Variants in ARHGAP31 observed in about 807,000 individuals in gnomAD.
ARHGAP31 encodes the protein Rho GTPase activating protein 31.
ARHGAP31 carries 34 observed loss-of-function variants against 113.9 expected under a neutral mutation model. The observed-to-expected ratio is 0.30, with a 90% confidence interval of 0.23 to 0.40. The LOEUF is 0.40. Ranked by LOEUF, ARHGAP31 falls within the 10% of genes least tolerant of loss-of-function variation. The pLI is 1.00. For missense variants in ARHGAP31, 1,548 were observed against 1,767.1 expected, an observed-to-expected ratio of 0.88 and a Z score of 2.22; for synonymous variants, 650 against 684.8, an observed-to-expected ratio of 0.95 and a Z score of 0.79.
At position 119,296,897 on chromosome 3, in the gene ARHGAP31, C is replaced by T. The variant is rs532877443; in HGVS notation, c.100+1893C>T. On this transcript the variant is annotated intron_variant, in intron 1 of 11. Coordinates refer to ENST00000264245, the MANE Select transcript of ARHGAP31 (RefSeq NM_020754.4). ...AATCATGAAGGATCGGAGGGCCCTC[C>T]CTGGCCTGTTAGGTTCCTCTGCCCT... Among the ~76,000 whole-genome samples the T allele has an allele frequency of 1.2e-4, 18 of 152,296 alleles. No individual in the cohort carries two copies. The South Asian group carries it at 3.5e-3, about 30-fold the overall frequency.
chr3:119,328,852 G>A (rs2107606132), intron 1 of ARHGAP31, among the ~76,000 whole-genome samples: 1 of 152,254 alleles, frequency 6.6e-6, no homozygotes, highest in African/African-American at 2.4e-5. Flanking sequence ...TTGTTGGCCA[G>A]GCCGGTCTCT....
chr3:119,357,985 A>C lies in ARHGAP31; in HGVS notation c.101-7331A>C, dbSNP rs148515616. Among the ~76,000 whole-genome samples, 11 of 152,360 alleles carry C rather than the reference A, an allele frequency of 7.2e-5. No individual in the cohort carries two copies. The East Asian group carries it at 2.1e-3, about 29-fold the overall frequency. ...ATAAGAAGCTTTTCTCCTGATACAAAAAGCACAAGCAACAAAAGAAAAACA... is the reference window on the plus strand; with the variant it reads ...ATAAGAAGCTTTTCTCCTGATACAACAAGCACAAGCAACAAAAGAAAAACA... On this transcript the variant is annotated intron_variant, in intron 1 of 11. Coordinates refer to ENST00000264245, the MANE Select transcript of ARHGAP31 (RefSeq NM_020754.4).
chr3:119,319,246 T>A (rs559472336), intron 1 of ARHGAP31, among the ~76,000 whole-genome samples: 1 of 150,586 alleles, frequency 6.6e-6, no homozygotes, highest in South Asian at 2.1e-4. Context: ...AAAAAAACTC[T>A]AGAGTTTTTT....
rs1449466265 is a variant in ARHGAP31, at chr3:119,390,803, A to G, written c.701A>G (p.Lys234Arg). 19 of 1,612,666 alleles carry G rather than the reference A, an allele frequency of 1.2e-5. No homozygotes were observed. The African/African-American group carries it at 2.5e-4, about 22-fold the overall frequency. The part of the protein sequence containing the change: ...LENDENRPIM[K>R]SLTLPALSLP... ...TTTACAGAAAACCGGCCCATCATGA[A>G]GAGCCTGACCTTGCCAGCCCTCTCC... Residue 234 changes from lysine (K) to arginine (R), a missense_variant, in exon 7 of 12, where the codon AAG becomes AGG. Lys to Arg is a conservative substitution (Grantham distance 26). Transcript: ENST00000264245.
chr3:119,414,205 C>A lies in ARHGAP31; in HGVS notation c.2276C>A (p.Pro759His). ...AGCCTGGCTCCTCTGGAAATAGTTC[C>A]TTTTGAGAAGGCATCTCCACAAGCA... ...LASLAPLEIVPFEKASPQATV... is the reference protein window; with the variant it reads ...LASLAPLEIVHFEKASPQATV... The change falls in exon 12 of 12, where the codon CCT becomes CAT. Residue 759 changes from proline to histidine, a missense_variant. By Grantham distance (77) the Pro-to-His change is moderately conservative (BLOSUM62 -2). Transcript: ENST00000264245. The A allele has an allele frequency of 1.2e-6, 2 of 1,614,172 alleles. No individual in the cohort carries two copies. The highest frequency in any genetic ancestry group is 1.7e-6 in the Non-Finnish European group (2 of 1,180,026).
chr3:119,307,274 T>C (rs751574035), intron 1 of ARHGAP31, among the ~76,000 whole-genome samples: 11 of 152,226 alleles, frequency 7.2e-5, no homozygotes, highest in Non-Finnish European at 1.0e-4. Context: ...ACCTACCACA[T>C]AGAGCCATTA....
Position 119,307,940 on chromosome 3 carries a change from C to CAAAAAAAAAAAAAAAA in ARHGAP31, c.100+12941_100+12956dup, listed in dbSNP as rs71156742. ...AGTGAATCCAAGTATGAATTAACAGCAAAAAAAAAAAAAAAAAAAAGCTCA... is the reference window on the plus strand; with the variant it reads ...AGTGAATCCAAGTATGAATTAACAGCAAAAAAAAAAAAAAAAAAAAAAAAAAAAAAAAAAAAGCTCA... On this transcript the variant is annotated intron_variant, in intron 1 of 11. Transcript: ENST00000264245. Among the ~76,000 whole-genome samples, 43 of 45,460 alleles carry CAAAAAAAAAAAAAAAA rather than the reference C, an allele frequency of 9.5e-4. 11 individuals are homozygous for CAAAAAAAAAAAAAAAA. The highest frequency in any genetic ancestry group is 1.8e-3 in the Admixed American group (4 of 2,170). 29.8% of individuals were successfully genotyped at this position (45,460 alleles called of 152,430 possible).
intron 1 of ARHGAP31, among the ~76,000 whole-genome samples, chr3:119,363,317 A>G (rs954192514): frequency 3.9e-5 from 6 of 152,206 alleles, no homozygotes; most frequent in Admixed American, 2.0e-4. Context: ...ACCCTATTTT[A>G]TAAAACAGAT....
intron 1 of ARHGAP31, among the ~76,000 whole-genome samples, chr3:119,354,823 T>C (rs1010188219): frequency 4.6e-5 from 7 of 151,682 alleles, no homozygotes; most frequent in African/African-American, 1.7e-4. Flanking sequence ...GAAGAGGTAG[T>C]TTTTAAAGAG....
chr3:119,361,756 C>G (rs79469211), intron 1 of ARHGAP31, among the ~76,000 whole-genome samples: 2,619 of 152,292 alleles, frequency 0.017, 47 homozygotes, highest in East Asian at 0.061. Flanking sequence ...GGACCACAGT[C>G]TGAGAACCGC....
At chr3:119,410,031 C>T (rs2080702352) in intron 11 of ARHGAP31, among the ~76,000 whole-genome samples, 1 of 152,102 alleles carries the variant, frequency 6.6e-6, no homozygotes. Flanking sequence ...TATTCCTGAC[C>T]TGAGGTCACC....
At chr3:119,314,327 T>G (rs141505423) in intron 1 of ARHGAP31, 4 of 152,348 alleles carry the variant, frequency 2.6e-5, no homozygotes, top group Non-Finnish European at 5.9e-5. Context: ...GTGCCCTTGG[T>G]GTGTGTTCTC....
At chr3:119,349,997 G>A (rs1559975873) in intron 1 of ARHGAP31, among the ~76,000 whole-genome samples, 1 of 152,194 alleles carries the variant, frequency 6.6e-6, no homozygotes, top group South Asian at 2.1e-4. Flanking sequence ...AGATTTCAGT[G>A]CTAATAGAAG....
At chr3:119,336,363 A>C (rs2079947088) in intron 1 of ARHGAP31, among the ~76,000 whole-genome samples, 1 of 152,192 alleles carries the variant, frequency 6.6e-6, no homozygotes, top group Admixed American at 6.5e-5. Flanking sequence ...AGCAATTTAC[A>C]TCAGCCAGTC....
intron 1 of ARHGAP31, among the ~76,000 whole-genome samples, chr3:119,352,512 G>A (rs953649790): frequency 1.3e-5 from 2 of 152,224 alleles, no homozygotes; most frequent in African/African-American, 4.8e-5. Flanking sequence ...TTTCGTTGAC[G>A]AACCACGAGA....
intron 9 of ARHGAP31, among the ~76,000 whole-genome samples, chr3:119,400,717 G>A (rs560415128): frequency 1.3e-5 from 2 of 152,238 alleles, no homozygotes; most frequent in Admixed American, 6.5e-5. Flanking sequence ...TCCTTACAGG[G>A]TGGTCATAAG....
intron 7 of ARHGAP31, among the ~76,000 whole-genome samples, chr3:119,391,726 CTT>C (rs2080506868): frequency 6.6e-6 from 1 of 151,896 alleles, no homozygotes; most frequent in Non-Finnish European, 1.5e-5. Context: ...CATTCCCACT[CTT>C]TGGTCAGTGA....
chr3:119,380,203 G>A (rs1338645675), intron 3 of ARHGAP31, among the ~76,000 whole-genome samples: 2 of 152,112 alleles, frequency 1.3e-5, no homozygotes, highest in African/African-American at 2.4e-5. Flanking sequence ...GCCAAGGAAA[G>A]CACATCTTCC....
At position 119,294,528 on chromosome 3, in the gene ARHGAP31, G is replaced by C; in HGVS notation, c.-377G>C. On this transcript the variant is annotated 5_prime_UTR_variant, in exon 1 of 12. Coordinates refer to ENST00000264245, the MANE Select transcript of ARHGAP31 (RefSeq NM_020754.4). Reference sequence around the variant, plus strand: ...CGCCCCGCGTCCGCGTCGTCTCCGGGGCACTTAGTAAGGGGTGGGGAGAGC... The same window carrying C: ...CGCCCCGCGTCCGCGTCGTCTCCGGCGCACTTAGTAAGGGGTGGGGAGAGC... 1 of 457,930 alleles carries C rather than the reference G, an allele frequency of 2.2e-6. No homozygotes were observed. The highest frequency in any genetic ancestry group is 3.8e-6 in the Non-Finnish European group (1 of 266,116). 28.4% of individuals were successfully genotyped at this position (457,930 alleles called of 1,614,324 possible).
Sources: gnomAD v4.1 joint callset for allele counts (sites outside exome capture counted in the v4.1 genomes callset) on GRCh38, gnomAD v4.1.1 for gene constraint, MANE v1.5 for transcripts, NCBI Gene and HGNC (gene_info 2026-07-23, HGNC 2026-07-21) for gene names.